Variants in DSCAM observed in about 807,000 individuals in gnomAD.
The protein encoded by DSCAM is cell adhesion molecule DSCAM.
In DSCAM, 47 loss-of-function variants were observed where a neutral mutation model predicts 217.7. That is an observed-to-expected ratio of 0.22 (90% CI 0.17 to 0.28). DSCAM has a LOEUF of 0.28. Among genes scored for constraint, DSCAM ranks in the 10% least tolerant of loss-of-function variants. DSCAM has a pLI of 1.00. For missense variants in DSCAM, 2,080 were observed against 2,618.3 expected (o/e 0.79, Z 4.49); for synonymous variants, 1,056 against 1,015.3 (o/e 1.04, Z -0.76).
At chr21:40,628,661 A>C (rs998468062) in intron 3 of DSCAM, among the ~76,000 whole-genome samples, 20 of 152,170 alleles carry the variant, frequency 1.3e-4, no homozygotes, top group Non-Finnish European at 2.8e-4. Context: ...TAGATGAAAA[A>C]CATTTAGAAT....
At position 40,692,906 on chromosome 21, in the gene DSCAM, C is replaced by G; in HGVS notation, c.412G>C (p.Gly138Arg). 6.2e-7 allele frequency: 1 copy of G among 1,614,030 alleles called. No homozygotes were observed. Among genetic ancestry groups the G allele is most frequent in the Non-Finnish European group, 8.5e-7 (1 of 1,179,938 alleles). Residue 138 changes from glycine (G) to arginine (R), a missense_variant, in exon 3 of 33, where the codon GGC becomes CGC. Transcript: ENST00000400454. ...ATGCACTTGAAGACCGCAACATTGC[C>G]TCTCATGGTTTTCTGGTCCTCCACA... Reference protein sequence around the residue: ...VRVEDQKTMRGNVAVFKCIIP... With the variant: ...VRVEDQKTMRRNVAVFKCIIP...
At chr21:40,781,869 C>T (rs2091546990) in intron 1 of DSCAM, among the ~76,000 whole-genome samples, 1 of 151,798 alleles carries the variant, frequency 6.6e-6, no homozygotes, top group African/African-American at 2.4e-5. Flanking sequence ...CTTCTCTTGG[C>T]TGGGCGCGGT....
intron 1 of DSCAM, among the ~76,000 whole-genome samples, chr21:40,839,508 A>T (rs558830197): frequency 6.6e-6 from 1 of 152,164 alleles, no homozygotes; most frequent in Non-Finnish European, 1.5e-5. Flanking sequence ...GTTTCCAGAT[A>T]ATATATATAT....
intron 3 of DSCAM, among the ~76,000 whole-genome samples, chr21:40,549,084 G>A (rs1245968370): frequency 6.6e-6 from 1 of 152,048 alleles, no homozygotes; most frequent in African/African-American, 2.4e-5. Context: ...GTGCGCCCGA[G>A]GTCCCAGCTA....
At chr21:40,792,575 T>C (rs2091655704) in intron 1 of DSCAM, among the ~76,000 whole-genome samples, 2 of 152,156 alleles carry the variant, frequency 1.3e-5, no homozygotes, top group African/African-American at 4.8e-5. Flanking sequence ...AGGAACATGA[T>C]TCAGTCCATA....
rs184556643 is a variant in DSCAM at position 40,637,949 on chromosome 21, G to T, written c.508+54861C>A. Among the ~76,000 whole-genome samples the T allele has an allele frequency of 1.8e-4, 28 of 151,990 alleles. No homozygotes were observed. In the East Asian group the frequency reaches 5.3e-3, roughly 29 times the overall value. ...TCCACCCACCTCGACCTCCCAAAGT[G>T]CTGGGATTACAGGCATGAGCCACCA... is the stretch of plus-strand genomic sequence containing the variant. On this transcript the variant is annotated intron_variant, in intron 3 of 32. Coordinates refer to ENST00000400454, the MANE Select transcript of DSCAM (RefSeq NM_001389.5).
chr21:40,700,572 T>G (rs2090644786), intron 2 of DSCAM, among the ~76,000 whole-genome samples: 1 of 152,164 alleles, frequency 6.6e-6, no homozygotes, highest in South Asian at 2.1e-4. Flanking sequence ...TTGTTAAATT[T>G]TTAGAATTTT....
chr21:40,805,985 G>A (rs1004061587), intron 1 of DSCAM, among the ~76,000 whole-genome samples: 5 of 152,112 alleles, frequency 3.3e-5, no homozygotes, highest in Admixed American at 2.0e-4. Flanking sequence ...TGGGATTACA[G>A]ACATGAGCCA....
chr21:40,674,451 C>T lies in DSCAM; in HGVS notation c.508+18359G>A, dbSNP rs1392289179. On this transcript the variant is annotated intron_variant, in intron 3 of 32. Coordinates refer to ENST00000400454, the MANE Select transcript of DSCAM (RefSeq NM_001389.5). ...TTGTCTTATAGGTGTTTTTCCTCAACTTTTCATTATAGAATATTTTAAACA... is the reference window on the plus strand; with the variant it reads ...TTGTCTTATAGGTGTTTTTCCTCAATTTTTCATTATAGAATATTTTAAACA... 9.2e-5 allele frequency among the ~76,000 whole-genome samples: 14 copies of T among 152,210 alleles called. 1 individual carries two copies. Among genetic ancestry groups the T allele is most frequent in the Admixed American group, 9.2e-4 (14 of 15,286 alleles).
chr21:40,128,985 T>C (rs991786874), intron 19 of DSCAM, among the ~76,000 whole-genome samples: 4 of 152,246 alleles, frequency 2.6e-5, no homozygotes, highest in Non-Finnish European at 4.4e-5. Flanking sequence ...CAATCATTTT[T>C]CTGAAACAGT....
intron 11 of DSCAM, among the ~76,000 whole-genome samples, chr21:40,240,349 G>GTT (rs749073872): frequency 0.01 from 604 of 57,708 alleles, 52 homozygotes; most frequent in East Asian, 0.069. Flanking sequence ...TTCCTCACTG[G>GTT]TTTTTTTTTT....
chr21:40,133,767 G>C, intron 19 of DSCAM, 87 bp downstream of exon 19: 2 of 1,470,170 alleles, frequency 1.4e-6, no homozygotes, highest in South Asian at 1.4e-5. Flanking sequence ...AGAATAGCCT[G>C]ATGAACTGCA....
chr21:40,608,229 TG>T (rs2089268112), intron 3 of DSCAM, among the ~76,000 whole-genome samples: 1 of 152,258 alleles, frequency 6.6e-6, no homozygotes, highest in Non-Finnish European at 1.5e-5. Context: ...TTCTATTTCA[TG>T]GCTACAATTT....
intron 20 of DSCAM, among the ~76,000 whole-genome samples, chr21:40,096,106 G>A (rs1224064562): frequency 6.6e-6 from 1 of 152,126 alleles, no homozygotes; most frequent in East Asian, 1.9e-4. Context: ...TTATCCCTCT[G>A]CTCACTGAGA....
chr21:40,267,947 G>A (rs1230240267), intron 11 of DSCAM, among the ~76,000 whole-genome samples: 1 of 152,080 alleles, frequency 6.6e-6, no homozygotes, highest in African/African-American at 2.4e-5. Flanking sequence ...TACTGTATGT[G>A]TATATATACA....
chr21:40,040,291 C>T (rs1295962587), intron 32 of DSCAM, among the ~76,000 whole-genome samples: 1 of 152,204 alleles, frequency 6.6e-6, no homozygotes, highest in Middle Eastern at 3.4e-3. Flanking sequence ...TATGATCTTC[C>T]ATTGCTCTAA....
chr21:40,695,044 G>T (rs2146454559), intron 2 of DSCAM, among the ~76,000 whole-genome samples: 1 of 152,230 alleles, frequency 6.6e-6, no homozygotes, highest in South Asian at 2.1e-4. Flanking sequence ...TTCAATTTAA[G>T]CTCCTTTGTC....
chr21:40,390,922 T>C (rs984044032), intron 3 of DSCAM, among the ~76,000 whole-genome samples: 5 of 152,184 alleles, frequency 3.3e-5, no homozygotes, highest in African/African-American at 9.7e-5. Context: ...GAATCTATTA[T>C]AACATCTCAA....
chr21:40,297,475 G>T (rs2073967865), intron 9 of DSCAM, among the ~76,000 whole-genome samples: 1 of 152,110 alleles, frequency 6.6e-6, no homozygotes, highest in Admixed American at 6.6e-5. Context: ...TCCTGGTAAG[G>T]CTAATCTCAT....
Sources: allele counts gnomAD v4.1 joint callset (sites outside exome capture counted in the v4.1 genomes callset), GRCh38; gene constraint gnomAD v4.1.1; transcripts MANE v1.5; gene names NCBI Gene and HGNC (gene_info 2026-07-23, HGNC 2026-07-21).